The following CDC42SE2 variants were observed in gnomAD, a reference collection of about 807,000 sequenced individuals.
CDC42SE2 encodes the protein CDC42 small effector protein 2.
In CDC42SE2, 3 loss-of-function variants were observed where a neutral mutation model predicts 11.5. The observed-to-expected ratio is 0.26, with a 90% CI of 0.12 to 0.67. The LOEUF (loss-of-function observed/expected upper bound fraction) is 0.67. Among genes scored for constraint, CDC42SE2 ranks in the 30% least tolerant of loss-of-function variants. CDC42SE2 has a pLI of 0.80. For synonymous variants in CDC42SE2, 33 were observed against 34.8 expected (o/e 0.95, Z 0.18); for missense variants, 82 against 106.8 (o/e 0.77, Z 1.02).
intron 1 of CDC42SE2, among the ~76,000 whole-genome samples, chr5:131,277,396 C>G (rs1236155258): frequency 1.3e-5 from 2 of 152,180 alleles, no homozygotes; most frequent in Non-Finnish European, 2.9e-5. Context: ...ATAGGTGTGA[C>G]CCCAGTCTCA....
intron 3 of CDC42SE2, among the ~76,000 whole-genome samples, chr5:131,368,823 T>C (rs1749934959): frequency 1.3e-5 from 2 of 152,156 alleles, no homozygotes; most frequent in African/African-American, 4.8e-5. Flanking sequence ...TCCATAAATA[T>C]TTCAGTATCC....
At chr5:131,278,692 G>A (rs1461218664) in intron 1 of CDC42SE2, among the ~76,000 whole-genome samples, 1 of 113,520 alleles carries the variant, frequency 8.8e-6, no homozygotes, top group Non-Finnish European at 1.8e-5. Flanking sequence ...CTTGAATATT[G>A]GCAGTTCCTT....
intron 1 of CDC42SE2, among the ~76,000 whole-genome samples, chr5:131,307,070 T>A (rs1373140052): frequency 6.6e-6 from 1 of 151,910 alleles, no homozygotes; most frequent in African/African-American, 2.4e-5. Flanking sequence ...TTTTAATTTT[T>A]TTATTATTAT....
At chr5:131,388,759 G>C (rs1750564736) in intron 4 of CDC42SE2, among the ~76,000 whole-genome samples, 2 of 152,182 alleles carry the variant, frequency 1.3e-5, no homozygotes, top group South Asian at 4.1e-4. Flanking sequence ...TTGAAGAATT[G>C]ACTTTTGGAG....
In CDC42SE2 at chr5:131,279,498, AT is replaced by A. The variant is rs1443500913; in HGVS notation, c.-455+15340del. On this transcript the variant is annotated intron_variant, in intron 1 of 4. Transcript: ENST00000505065. ...ATTTACATAAATACTCCTGAGTTCA[AT>A]TTTTTTTAACTTTTTTTTCTGCTTT... Among the ~76,000 whole-genome samples the A allele has an allele frequency of 1.9e-4, 25 of 129,882 alleles. 1 individual carries two copies. In the South Asian group the frequency reaches 2.9e-3, roughly 15 times the overall value. 85.2% of individuals were successfully genotyped at this position (129,882 alleles called of 152,430 possible). A position where few individuals can be genotyped will look rare whatever the true frequency, so the allele number is the denominator to read the frequency against.
chr5:131,222,570 A>T, the CDC42SE2 span, among the ~76,000 whole-genome samples: 1 of 152,240 alleles, frequency 6.6e-6, no homozygotes, highest in Non-Finnish European at 1.5e-5. Context: ...TTAAACAAAC[A>T]TAAAATGAAT....
chr5:131,330,820 T>A (rs1019647880), intron 2 of CDC42SE2, among the ~76,000 whole-genome samples: 3 of 133,666 alleles, frequency 2.2e-5, no homozygotes, highest in African/African-American at 5.8e-5. Flanking sequence ...AGTTCGAGAC[T>A]AGCCTGGGAA....
chr5:131,281,837 G>C (rs566361133), intron 1 of CDC42SE2, among the ~76,000 whole-genome samples: 1 of 152,304 alleles, frequency 6.6e-6, no homozygotes, highest in Admixed American at 6.5e-5. Context: ...TACCGTTGGT[G>C]ATTTTCATTT....
the CDC42SE2 span, among the ~76,000 whole-genome samples, chr5:131,217,200 A>G: frequency 1.3e-5 from 2 of 152,218 alleles, no homozygotes; most frequent in Non-Finnish European, 2.9e-5. Flanking sequence ...CATATTGTCT[A>G]TGGCTACTTT....
the CDC42SE2 span, among the ~76,000 whole-genome samples, chr5:131,212,063 T>A: frequency 6.6e-6 from 1 of 152,032 alleles, no homozygotes; most frequent in Non-Finnish European, 1.5e-5. Flanking sequence ...TAATTAAATT[T>A]AAATAATTTA....
chr5:131,256,045 G>A (rs1756677437), intron 2 of CDC42SE2, among the ~76,000 whole-genome samples: 1 of 152,126 alleles, frequency 6.6e-6, no homozygotes, highest in Admixed American at 6.5e-5. Context: ...TTTACTAAGG[G>A]ACTTTGTCTT....
intron 1 of CDC42SE2, among the ~76,000 whole-genome samples, chr5:131,315,441 G>A (rs910900312): frequency 2.6e-5 from 4 of 152,202 alleles, no homozygotes; most frequent in African/African-American, 9.6e-5. Flanking sequence ...AAGCTCAGAT[G>A]TCTGCAGGGT....
At chr5:131,359,178 CT>C (rs1033818113) in intron 2 of CDC42SE2, 30 bp from the exon 3 acceptor site, 8 of 225,424 alleles carry the variant, frequency 3.5e-5, no homozygotes, top group East Asian at 9.3e-5. Context: ...TAAAGTTTAA[CT>C]TTTTTTTACT....
intron 1 of CDC42SE2, among the ~76,000 whole-genome samples, chr5:131,276,049 A>T (rs1243543066): frequency 1.3e-5 from 2 of 152,132 alleles, no homozygotes; most frequent in Non-Finnish European, 2.9e-5. Flanking sequence ...ATGAAAGTGC[A>T]AAAGAAATTA....
At chr5:131,376,826 C>G (rs1750169364) in intron 3 of CDC42SE2, among the ~76,000 whole-genome samples, 1 of 152,092 alleles carries the variant, frequency 6.6e-6, no homozygotes, top group African/African-American at 2.4e-5. Context: ...TGGTCTAGTT[C>G]TTTTTTATGG....
chr5:131,391,370 A>G lies in CDC42SE2; in HGVS notation c.*279A>G. The G allele has an allele frequency of 6.2e-6, 1 of 161,296 alleles. No homozygotes were observed. The highest frequency in any genetic ancestry group is 1.3e-5 in the Non-Finnish European group (1 of 74,634). The allele number at this position is 161,296 out of a possible 1,614,324, so 10.0% of individuals were successfully genotyped here. A position where few individuals can be genotyped will look rare whatever the true frequency, so the allele number is the denominator to read the frequency against. On this transcript the variant is annotated 3_prime_UTR_variant, in exon 5 of 5. Coordinates refer to ENST00000505065, the MANE Select transcript of CDC42SE2 (RefSeq NM_001375635.1). Reference sequence around the variant, plus strand: ...TATGTGTCCTTTAAACAAGAGTGAAATCATTATTTTGAGTATTGAGGCCGA... The same window carrying G: ...TATGTGTCCTTTAAACAAGAGTGAAGTCATTATTTTGAGTATTGAGGCCGA...
intron 1 of CDC42SE2, among the ~76,000 whole-genome samples, chr5:131,268,992 G>T (rs967908759): frequency 1.3e-5 from 2 of 151,726 alleles, no homozygotes; most frequent in African/African-American, 2.4e-5. Flanking sequence ...CTCGTGATCC[G>T]CCCACCTTGG....
At chr5:131,292,132 G>A (rs531355051) in intron 1 of CDC42SE2, among the ~76,000 whole-genome samples, 5 of 151,128 alleles carry the variant, frequency 3.3e-5, no homozygotes, top group South Asian at 2.1e-4. Context: ...TCAACTACTC[G>A]GGAGGCTGAG....
intron 3 of CDC42SE2, 147 bp downstream of exon 3, chr5:131,359,694 T>C (rs1205970660): frequency 1.3e-5 from 9 of 690,222 alleles, no homozygotes; most frequent in Middle Eastern, 2.5e-4. Flanking sequence ...TCCGAACATA[T>C]GTTTAAAAAG....
Sources: gnomAD v4.1 joint callset for allele counts (sites outside exome capture counted in the v4.1 genomes callset) on GRCh38, gnomAD v4.1.1 for gene constraint, MANE v1.5 for transcripts, NCBI Gene and HGNC (gene_info 2026-07-23, HGNC 2026-07-21) for gene names.